TMEM186: variants seen among roughly 807,000 people sequenced by gnomAD.
TMEM186 encodes transmembrane protein 186.
A neutral mutation model predicts 2.5 loss-of-function variants in TMEM186; 2 were observed. That is an observed-to-expected ratio of 0.79 (90% CI 0.32 to 2.50). The LOEUF is 2.50. Ranked by LOEUF, TMEM186 falls within the 30% of genes most tolerant of loss-of-function variation. The pLI, the probability that TMEM186 is intolerant of heterozygous loss-of-function variation, is 0.11. For missense variants in TMEM186, 321 were observed against 276.5 expected (o/e 1.16, Z -1.14); for synonymous variants, 120 against 104.9 (o/e 1.14, Z -0.88).
At position 8,796,522 on chromosome 16, in the gene TMEM186, C is replaced by G. The variant is rs1312980719; in HGVS notation, c.72G>C (p.Leu24=). 6.2e-7 allele frequency: 1 copy of G among 1,614,234 alleles called. No homozygotes were observed. The highest frequency in any genetic ancestry group is 8.5e-7 in the Non-Finnish European group (1 of 1,180,046). The part of the protein sequence containing the change: ...KAVWERPLHG[L]WCCSGQEDPK... ...GATCCTCCTGCCCACTGCAGCACCA[C>G]AGCCCATGGAGAGGCCTTTCCCACA... The change falls in exon 2 of 2, where the codon CTG becomes CTC. Residue 24 remains leucine, a synonymous_variant. Coordinates refer to ENST00000333050, the MANE Select transcript of TMEM186 (RefSeq NM_015421.4).
At chr16:8,796,710 G>A (rs2060578790) in intron 1 of TMEM186, 120 bp from the exon 2 acceptor site, 2 of 1,260,580 alleles carry the variant, frequency 1.6e-6, no homozygotes, top group South Asian at 3.0e-5. Context: ...AACCGTTATT[G>A]CCAGACGAGG....
Position 8,795,855 on chromosome 16 carries a change from A to T in TMEM186, c.*97T>A, listed in dbSNP as rs567733975. 7.0e-7 allele frequency: 1 copy of T among 1,420,784 alleles called. No individual in the cohort carries two copies. The highest frequency in any genetic ancestry group is 9.6e-7 in the Non-Finnish European group (1 of 1,046,938). The allele number at this position is 1,420,784 out of a possible 1,614,324, so 88.0% of individuals were successfully genotyped here. A position where few individuals can be genotyped will look rare whatever the true frequency, so the allele number is the denominator to read the frequency against. On this transcript the variant is annotated 3_prime_UTR_variant, in exon 2 of 2. Coordinates refer to ENST00000333050, the MANE Select transcript of TMEM186 (RefSeq NM_015421.4). ...TCCCAGGGGCCCAGGCAAAGTCTCCAAGTACCCAGTCCCCTTTCTTCAGCC... is the reference window on the plus strand; with the variant it reads ...TCCCAGGGGCCCAGGCAAAGTCTCCTAGTACCCAGTCCCCTTTCTTCAGCC...
At position 8,795,950 on chromosome 16, in the gene TMEM186, G is replaced by C. The variant is rs149196348; in HGVS notation, c.*2C>G. On this transcript the variant is annotated 3_prime_UTR_variant, in exon 2 of 2. Coordinates refer to ENST00000333050, the MANE Select transcript of TMEM186 (RefSeq NM_015421.4). ...TTACCCAGAGGTCCAGGTCCCAGTT[G>C]TTCACTTGAGCATCTGATGTACCCC... The C allele has an allele frequency of 5.6e-6, 9 of 1,608,356 alleles. No homozygotes were observed. In the African/African-American group the frequency reaches 1.2e-4, roughly 21 times the overall value.
chr16:8,796,412 C>G lies in TMEM186; in HGVS notation c.182G>C (p.Arg61Pro). The change falls in exon 2 of 2, where the codon CGT becomes CCT. Residue 61 changes from arginine to proline, a missense_variant. Arg to Pro is a moderately radical substitution (Grantham distance 103, BLOSUM62 -2). Coordinates refer to ENST00000333050, the MANE Select transcript of TMEM186 (RefSeq NM_015421.4). ...CCCGAAGGTTCTGATGGCATCAAAA[C>G]GGTAAAACATCCAGAATTTCTCAGT... is the stretch of plus-strand genomic sequence containing the variant. ...AETEKFWMFY[R>P]FDAIRTFGFL... 1.2e-6 allele frequency: 2 copies of G among 1,614,202 alleles called. No individual in the cohort carries two copies. The highest frequency in any genetic ancestry group is 1.1e-5 in the South Asian group (1 of 91,084).
intron 1 of TMEM186, among the ~76,000 whole-genome samples, 181 bp downstream of exon 1, chr16:8,797,431 G>T (rs1209991852): frequency 2.3e-5 from 3 of 131,364 alleles, no homozygotes; most frequent in African/African-American, 8.7e-5. Context: ...TACTACTACT[G>T]TGCGCATGTG....
In TMEM186 at chr16:8,796,064, C is replaced by A. The variant is rs755239323; in HGVS notation, c.530G>T (p.Arg177Leu). ...TKDRPQEMFV[R>L]IQRYSGKQTF... ...CTGTTTCCCACTGTACCGCTGGATA[C>A]GCACAAACATCTCCTGAGGCCGGTC... Residue 177 changes from arginine (R) to leucine (L), a missense_variant, in exon 2 of 2, where the codon CGT becomes CTT. Physicochemically the swap from Arg to Leu is moderately radical, Grantham distance 102. Transcript: ENST00000333050. 6.2e-7 allele frequency: 1 copy of A among 1,614,184 alleles called. No homozygotes were observed.
Position 8,795,849 on chromosome 16 carries a change from G to T in TMEM186, c.*103C>A. 7.3e-7 allele frequency: 1 copy of T among 1,371,874 alleles called. No homozygotes were observed. Among genetic ancestry groups the T allele is most frequent in the Non-Finnish European group, 1.0e-6 (1 of 1,003,752 alleles). The allele number at this position is 1,371,874 out of a possible 1,614,324, so 85.0% of individuals were successfully genotyped here. A position where few individuals can be genotyped will look rare whatever the true frequency, so the allele number is the denominator to read the frequency against. ...ACATGTTCCCAGGGGCCCAGGCAAA[G>T]TCTCCAAGTACCCAGTCCCCTTTCT... On this transcript the variant is annotated 3_prime_UTR_variant, in exon 2 of 2. Coordinates refer to ENST00000333050, the MANE Select transcript of TMEM186 (RefSeq NM_015421.4).
At position 8,796,041 on chromosome 16, in the gene TMEM186, GTT is replaced by G; in HGVS notation, c.551_552del (p.Lys184ThrfsTer46). On this transcript the variant is annotated frameshift_variant, in exon 2 of 2. Transcript: ENST00000333050. LOFTEE classifies it low-confidence loss of function (END_TRUNC). ...MFVRIQRYSG[K>X]QTFYVTLRYG... ...TAGCGCAGGGTGACGTAGAAGGTCT[GTT>G]TCCCACTGTACCGCTGGATACGCAC... 6.2e-7 allele frequency: 1 copy of G among 1,614,220 alleles called. No individual in the cohort carries two copies. The highest frequency in any genetic ancestry group is 8.5e-7 in the Non-Finnish European group (1 of 1,180,032).
rs1336218622 is a variant in TMEM186 at position 8,795,869 on chromosome 16, C to G, written c.*83G>C. ...GCAAAGTCTCCAAGTACCCAGTCCC[C>G]TTTCTTCAGCCTTGCCCACACCCTC... On this transcript the variant is annotated 3_prime_UTR_variant, in exon 2 of 2. Transcript: ENST00000333050. 2.7e-6 allele frequency: 4 copies of G among 1,499,400 alleles called. No homozygotes were observed. In the Admixed American group the frequency reaches 8.6e-5, roughly 32 times the overall value. 92.9% of individuals were successfully genotyped at this position (1,499,400 alleles called of 1,614,324 possible). A position where few individuals can be genotyped will look rare whatever the true frequency, so the allele number is the denominator to read the frequency against.
In TMEM186 at chr16:8,796,184, C is replaced by A; in HGVS notation, c.410G>T (p.Gly137Val). ...CAGATGGGCCACCCGCAGCATGGTG[C>A]CAGACTCATTCAGATACAGGATACC... Reference protein sequence around the residue: ...LVGILYLNESGTMLRVAHLNF... With the variant: ...LVGILYLNESVTMLRVAHLNF... Residue 137 changes from glycine (G) to valine (V), a missense_variant, in exon 2 of 2, where the codon GGC becomes GTC. Physicochemically the swap from Gly to Val is moderately radical, Grantham distance 109 (BLOSUM62 -3). Coordinates refer to ENST00000333050, the MANE Select transcript of TMEM186 (RefSeq NM_015421.4). The A allele has an allele frequency of 6.2e-7, 1 of 1,614,172 alleles. No homozygotes were observed. Among genetic ancestry groups the A allele is most frequent in the Non-Finnish European group, 8.5e-7 (1 of 1,180,036 alleles).
chr16:8,796,481 C>T lies in TMEM186; in HGVS notation c.113G>A (p.Gly38Asp). The change falls in exon 2 of 2, where the codon GGC (glycine) becomes GAC (aspartate). Residue 38 changes from glycine to aspartate, a missense_variant. Physicochemically the swap from Gly to Asp is moderately conservative, Grantham distance 94. Transcript: ENST00000333050. ...CTCCTTCGAGATGGGTGAACTGCTG[C>T]CCACCCACCTCTTAGGATCCTCCTG... The part of the protein sequence containing the change: ...SGQEDPKRWV[G>D]SSSPISKEKL... The T allele has an allele frequency of 6.2e-7, 1 of 1,614,200 alleles. No individual in the cohort carries two copies. The highest frequency in any genetic ancestry group is 1.1e-5 in the South Asian group (1 of 91,078).
rs190807651 is a variant in TMEM186, at chr16:8,796,292, T to C, written c.302A>G (p.Asn101Ser). Residue 101 changes from asparagine (N) to serine (S), a missense_variant, in exon 2 of 2, where the codon AAC becomes AGC. Transcript: ENST00000333050. The stretch of plus-strand genomic sequence containing the variant: ...TATCCCACTCATGAGGCACACGGTG[T>C]TGAGAGTGAGGAGGCCCTGGGAGTA... ...YLYSQGLLTL[N>S]TVCLMSGISG... 60 of 1,614,144 alleles carry C rather than the reference T, an allele frequency of 3.7e-5. No individual in the cohort carries two copies. In the East Asian group the frequency reaches 1.1e-3, roughly 29 times the overall value.
intron 1 of TMEM186, 56 bp from the exon 2 acceptor site, chr16:8,796,646 C>T (rs181339904): frequency 4.7e-5 from 74 of 1,570,508 alleles, no homozygotes; most frequent in Middle Eastern, 1.7e-4. Context: ...ATTAATCACA[C>T]GGTGAACATC....
chr16:8,796,167 C>T lies in TMEM186; in HGVS notation c.427G>A (p.Ala143Thr), dbSNP rs140497439. 11 of 1,614,094 alleles carry T rather than the reference C, an allele frequency of 6.8e-6. No homozygotes were observed. In the East Asian group the frequency reaches 2.4e-4, roughly 36 times the overall value. ...CGCCAGCCCCAGAAGTTCAGATGGG[C>T]CACCCGCAGCATGGTGCCAGACTCA... is the stretch of plus-strand genomic sequence containing the variant. ...LNESGTMLRV[A>T]HLNFWGWRQD... The change falls in exon 2 of 2, where the codon GCC becomes ACC. Residue 143 changes from alanine to threonine, a missense_variant. Coordinates refer to ENST00000333050, the MANE Select transcript of TMEM186 (RefSeq NM_015421.4).
intron 1 of TMEM186, 98 bp from the exon 2 acceptor site, chr16:8,796,688 A>G (rs1238648647): frequency 2.1e-6 from 3 of 1,432,522 alleles, no homozygotes; most frequent in South Asian, 1.3e-5. Context: ...GCTTCTGCCA[A>G]TCCTGCAAGG....
At chr16:8,797,517 G>T in intron 1 of TMEM186, 95 bp downstream of exon 1, 1 of 1,461,086 alleles carries the variant, frequency 6.8e-7, no homozygotes, top group Non-Finnish European at 9.4e-7. Flanking sequence ...CGGATCCTCG[G>T]AGTCCGAAAC....
At position 8,796,128 on chromosome 16, in the gene TMEM186, A is replaced by T. The variant is rs766974415; in HGVS notation, c.466T>A (p.Cys156Ser). Residue 156 changes from cysteine to serine, a missense_variant, in exon 2 of 2, where the codon TGT becomes AGT. Transcript: ENST00000333050. ...AGGGGAATCACATCTGCCATGGGAC[A>T]GTATGTGTCCTGCCGCCAGCCCCAG... ...NFWGWRQDTY[C>S]PMADVIPLTE... 6 of 1,614,238 alleles carry T rather than the reference A, an allele frequency of 3.7e-6. No individual in the cohort carries two copies. The Admixed American group carries it at 6.7e-5, about 18-fold the overall frequency.
rs534545634 is a variant in TMEM186, at chr16:8,795,902, C to T, written c.*50G>A. 1.8e-4 allele frequency: 289 copies of T among 1,567,922 alleles called. 6 individuals carry two copies. In the South Asian group the frequency reaches 3.3e-3, roughly 18 times the overall value. On this transcript the variant is annotated 3_prime_UTR_variant, in exon 2 of 2. Transcript: ENST00000333050. ...AGCCTTGCCCACACCCTCAGCCTTCCTGTTAATCCAGGCGACCCAGGGTTA... is the reference window on the plus strand; with the variant it reads ...AGCCTTGCCCACACCCTCAGCCTTCTTGTTAATCCAGGCGACCCAGGGTTA...
In TMEM186 at chr16:8,796,062, T is replaced by C. The variant is rs751692234; in HGVS notation, c.532A>G (p.Ile178Val). The change falls in exon 2 of 2, where the codon ATC becomes GTC. Residue 178 changes from isoleucine (I) to valine (V), a missense_variant. By Grantham distance (29) the Ile-to-Val change is conservative. Coordinates refer to ENST00000333050, the MANE Select transcript of TMEM186 (RefSeq NM_015421.4). ...GTCTGTTTCCCACTGTACCGCTGGATACGCACAAACATCTCCTGAGGCCGG... is the reference window on the plus strand; with the variant it reads ...GTCTGTTTCCCACTGTACCGCTGGACACGCACAAACATCTCCTGAGGCCGG... ...KDRPQEMFVR[I>V]QRYSGKQTFY... The C allele has an allele frequency of 6.2e-7, 1 of 1,614,228 alleles. No individual in the cohort carries two copies. Among genetic ancestry groups the C allele is most frequent in the Non-Finnish European group, 8.5e-7 (1 of 1,180,038 alleles).
Sources: gnomAD v4.1 joint callset for allele counts (sites outside exome capture counted in the v4.1 genomes callset) on GRCh38, gnomAD v4.1.1 for gene constraint, MANE v1.5 for transcripts, NCBI Gene and HGNC (gene_info 2026-07-23, HGNC 2026-07-21) for gene names.